PDE9A: variants seen among roughly 807,000 people sequenced by gnomAD.
PDE9A encodes the protein phosphodiesterase 9A, also known as high affinity cGMP-specific 3',5'-cyclic phosphodiesterase 9A.
A neutral mutation model predicts 87.4 loss-of-function variants in PDE9A; 60 were observed. That is an observed-to-expected ratio of 0.69 (90% CI 0.56 to 0.85). PDE9A has a LOEUF of 0.85. Among genes scored for constraint, PDE9A ranks in the 40% least tolerant of loss-of-function variants. The pLI is 0.00. For synonymous variants in PDE9A, 272 were observed against 279.4 expected, an observed-to-expected ratio of 0.97 and a Z score of 0.27; for missense variants, 665 against 779.0, an observed-to-expected ratio of 0.85 and a Z score of 1.74.
rs537232907 is a variant in PDE9A at position 42,716,693 on chromosome 21, A to G, written c.263-15077A>G. ...CCCACCACCTTTGAGTTATTGTGTC[A>G]TATGTTTTATATCTGCATACATTTT... On this transcript the variant is annotated intron_variant, in intron 4 of 19. Coordinates refer to ENST00000291539, the MANE Select transcript of PDE9A (RefSeq NM_002606.3). 1.1e-4 allele frequency among the ~76,000 whole-genome samples: 15 copies of G among 132,944 alleles called. No homozygotes were observed. The South Asian group carries it at 3.3e-3, about 30-fold the overall frequency. The allele number at this position is 132,944 out of a possible 152,430, so 87.2% of individuals were successfully genotyped here.
Position 42,696,751 on chromosome 21 carries a change from C to T in PDE9A, c.219-2217C>T, listed in dbSNP as rs946806193. On this transcript the variant is annotated intron_variant, in intron 3 of 19. Transcript: ENST00000291539. This position sits in a 1 kb window ranked among gnomAD's most constrained non-coding sequence, Gnocchi z 5.1. Reference sequence around the variant, plus strand: ...ATCAGCAAAGCACCTGGCCTCTTCACGCCTTGGGCTCTGGGTCTGTAAGGC... The same window carrying T: ...ATCAGCAAAGCACCTGGCCTCTTCATGCCTTGGGCTCTGGGTCTGTAAGGC... Among the ~76,000 whole-genome samples the T allele has an allele frequency of 3.3e-5, 5 of 152,202 alleles. No individual in the cohort carries two copies. The highest frequency in any genetic ancestry group is 1.3e-4 in the Admixed American group (2 of 15,282).
rs922721864 is a variant in PDE9A, at chr21:42,739,243, C to T, written c.569-4533C>T. 6.6e-6 allele frequency among the ~76,000 whole-genome samples: 1 copy of T among 152,222 alleles called. No homozygotes were observed. Among genetic ancestry groups the T allele is most frequent in the African/African-American group, 2.4e-5 (1 of 41,462 alleles). On this transcript the variant is annotated intron_variant, in intron 7 of 19. Coordinates refer to ENST00000291539, the MANE Select transcript of PDE9A (RefSeq NM_002606.3). The surrounding 1 kb of genome is among the most constrained non-coding windows in gnomAD (Gnocchi z 4.1). ...GGGCAGAGCCGACGTCCAGGCTCCA[C>T]GGTAGGGCCGTCCTGCTGCTGTCTG...
intron 1 of PDE9A, among the ~76,000 whole-genome samples, chr21:42,666,081 T>A (rs2057957972): frequency 6.6e-6 from 1 of 152,090 alleles, no homozygotes; most frequent in Non-Finnish European, 1.5e-5. Flanking sequence ...ATGTTCTTTA[T>A]CAAAGGGGAA....
chr21:42,679,414 C>G (rs1250257499), intron 1 of PDE9A, among the ~76,000 whole-genome samples: 1 of 146,972 alleles, frequency 6.8e-6, no homozygotes, highest in Non-Finnish European at 1.5e-5. Flanking sequence ...TGCTTCGGGG[C>G]TCTCAGAAAT....
chr21:42,753,857 A>C, intron 9 of PDE9A, 133 bp from the exon 10 acceptor site: 4 of 497,638 alleles, frequency 8.0e-6, no homozygotes, highest in Non-Finnish European at 1.0e-5. Context: ...GTGAGACTCT[A>C]TCTCAAAAAA....
intron 8 of PDE9A, among the ~76,000 whole-genome samples, chr21:42,750,738 G>C (rs1294669531): frequency 6.6e-6 from 1 of 151,998 alleles, no homozygotes; most frequent in Non-Finnish European, 1.5e-5. Flanking sequence ...ACCACGCCCA[G>C]CTAATTTTTG....
At chr21:42,766,199 A>G (rs2056382164) in intron 15 of PDE9A, among the ~76,000 whole-genome samples, 1 of 152,214 alleles carries the variant, frequency 6.6e-6, no homozygotes, top group Admixed American at 6.5e-5. Context: ...AAATCAGTGC[A>G]TATCTGTGGT....
At position 42,735,792 on chromosome 21, in the gene PDE9A, C is replaced by T. The variant is rs533881971; in HGVS notation, c.568+2366C>T. 1.1e-4 allele frequency among the ~76,000 whole-genome samples: 17 copies of T among 152,302 alleles called. No homozygotes were observed. The South Asian group carries it at 3.3e-3, about 30-fold the overall frequency. On this transcript the variant is annotated intron_variant, in intron 7 of 19. Coordinates refer to ENST00000291539, the MANE Select transcript of PDE9A (RefSeq NM_002606.3). ...AAGGACCTTTTTCTACATAAGGTCC[C>T]ATTCACAAGTTCCAGGGAGTAGGTT... is the stretch of plus-strand genomic sequence containing the variant.
chr21:42,672,433 G>A (rs548284805), intron 1 of PDE9A, among the ~76,000 whole-genome samples: 39 of 152,356 alleles, frequency 2.6e-4, no homozygotes, highest in African/African-American at 8.9e-4. Flanking sequence ...TGTGGTCTCA[G>A]TCCCCATTGG....
chr21:42,691,880 A>G (rs1159403448), intron 3 of PDE9A, among the ~76,000 whole-genome samples: 1 of 150,910 alleles, frequency 6.6e-6, no homozygotes, highest in East Asian at 2.0e-4. Context: ...CACTATCCAA[A>G]GTGACCAGCC....
intron 1 of PDE9A, among the ~76,000 whole-genome samples, chr21:42,685,745 G>A (rs1277932981): frequency 6.6e-6 from 1 of 152,182 alleles, no homozygotes; most frequent in Admixed American, 6.5e-5. Context: ...TGGGATTACA[G>A]GCGTGAGCCA....
chr21:42,701,086 G>T (rs1230405548), intron 4 of PDE9A: 1 of 152,106 alleles, frequency 6.6e-6, no homozygotes, highest in Admixed American at 6.5e-5. Context: ...GAGTCTTCTG[G>T]TTCATAAATA....
chr21:42,759,191 C>T lies in PDE9A; in HGVS notation c.897+106C>T, dbSNP rs889895710. 5 of 763,040 alleles carry T rather than the reference C, an allele frequency of 6.6e-6. No homozygotes were observed. Among genetic ancestry groups the T allele is most frequent in the Non-Finnish European group, 6.9e-6 (3 of 437,536 alleles). 47.3% of individuals were successfully genotyped at this position (763,040 alleles called of 1,614,324 possible). A position where few individuals can be genotyped will look rare whatever the true frequency, so the allele number is the denominator to read the frequency against. On this transcript the variant is annotated intron_variant, in intron 11 of 19. Transcript: ENST00000291539. The surrounding 1 kb of genome is among the most constrained non-coding windows in gnomAD (Gnocchi z 7.2). ...AGGGCACCTTCCGGATGGCACTGCG[C>T]TCCCTGTGAGCAGAGGTGACATTTC...
intron 6 of PDE9A, among the ~76,000 whole-genome samples, chr21:42,732,353 G>A (rs1411600987): frequency 6.6e-6 from 1 of 152,230 alleles, no homozygotes; most frequent in Non-Finnish European, 1.5e-5. Context: ...TTGAGTGGGT[G>A]CATTAGAATG....
intron 1 of PDE9A, among the ~76,000 whole-genome samples, chr21:42,678,797 C>T (rs57176621): frequency 6.6e-6 from 1 of 152,226 alleles, no homozygotes; most frequent in Admixed American, 6.5e-5. Flanking sequence ...CAGACAGGAC[C>T]GTCTGTGGGA....
chr21:42,670,346 TTACACACACATCCA>T lies in PDE9A; in HGVS notation c.70-15845_70-15832del, dbSNP rs1569117814. 5.8e-3 allele frequency among the ~76,000 whole-genome samples: 657 copies of T among 112,538 alleles called. 12 individuals carry two copies. The highest frequency in any genetic ancestry group is 0.021 in the African/African-American group (608 of 28,340). 73.8% of individuals were successfully genotyped at this position (112,538 alleles called of 152,430 possible). A position where few individuals can be genotyped will look rare whatever the true frequency, so the allele number is the denominator to read the frequency against. On this transcript the variant is annotated intron_variant, in intron 1 of 19. Transcript: ENST00000291539. ...CACATTCACACACATTCACATACAT[TTACACACACATCCA>T]CACACACATTCACACACATTCACAT... is the stretch of plus-strand genomic sequence containing the variant.
rs1602058239 is a variant in PDE9A, at chr21:42,687,959, C to G, written c.183C>G (p.Val61=). ...ISLLTTDDAM[V]SIDPTMPANS... is the part of the protein sequence containing the mutation. ...TGCTGACCACCGACGACGCCATGGT[C>G]TCCATCGACCCCACCATGCCCGCGA... The change falls in exon 3 of 20, where the codon GTC becomes GTG. Residue 61 remains valine (V), a synonymous_variant. Transcript: ENST00000291539. The G allele has an allele frequency of 1.2e-6, 2 of 1,613,254 alleles. No homozygotes were observed. Among genetic ancestry groups the G allele is most frequent in the East Asian group, 4.5e-5 (2 of 44,878 alleles).
rs550508195 is a variant in PDE9A, at chr21:42,682,754, G to A, written c.70-3438G>A. Among the ~76,000 whole-genome samples, 15 of 152,336 alleles carry A rather than the reference G, an allele frequency of 9.8e-5. No individual in the cohort carries two copies. The South Asian group carries it at 2.5e-3, about 25-fold the overall frequency. On this transcript the variant is annotated intron_variant, in intron 1 of 19. Transcript: ENST00000291539. ...CCCAGGGGACTTTGTGGGCATGGAC[G>A]TTGCACAGTCACCCTCGGCCCCTCA...
chr21:42,752,953 G>T (rs1169859749), intron 9 of PDE9A, among the ~76,000 whole-genome samples: 1 of 152,182 alleles, frequency 6.6e-6, no homozygotes, highest in Non-Finnish European at 1.5e-5. Flanking sequence ...TTCTTAGGTG[G>T]TATCTGAATT....
Sources: gnomAD v4.1 joint callset for allele counts (sites outside exome capture counted in the v4.1 genomes callset) on GRCh38, gnomAD v4.1.1 for gene constraint, Gnocchi (gnomAD v3.1) non-coding constraint, MANE v1.5 for transcripts, NCBI Gene and HGNC (gene_info 2026-07-23, HGNC 2026-07-21) for gene names.